The following DPP6 variants were observed in gnomAD, a reference collection of about 807,000 sequenced individuals.
The protein encoded by DPP6 is dipeptidyl peptidase like 6, also known as A-type potassium channel modulatory protein DPP6.
Under a neutral mutation model 122.6 loss-of-function variants are expected in DPP6, and 69 were observed. The ratio of observed to expected loss-of-function variants is 0.56; its 90% confidence interval spans 0.46 to 0.69. The LOEUF (loss-of-function observed/expected upper bound fraction) is 0.69. Ranked by LOEUF, DPP6 falls within the 30% of genes least tolerant of loss-of-function variation. The pLI, the probability that DPP6 is intolerant of heterozygous loss-of-function variation, is 0.00. For synonymous variants in DPP6, 418 were observed against 433.1 expected, an observed-to-expected ratio of 0.97 and a Z score of 0.43; for missense variants, 928 against 1,116.9, an observed-to-expected ratio of 0.83 and a Z score of 2.41.
chr7:153,880,888 C>A, the DPP6 span, among the ~76,000 whole-genome samples: 1 of 152,164 alleles, frequency 6.6e-6, no homozygotes, highest in Admixed American at 6.5e-5. Context: ...TAAATCATTT[C>A]TTTCACTCTT....
intron 17 of DPP6, among the ~76,000 whole-genome samples, chr7:154,854,759 G>T (rs933304545): frequency 4.6e-5 from 7 of 152,182 alleles, no homozygotes; most frequent in Non-Finnish European, 8.8e-5. Context: ...GGGCACATCC[G>T]TGTTTACGCG....
chr7:154,518,904 G>A (rs893026255), intron 3 of DPP6, among the ~76,000 whole-genome samples: 1 of 152,146 alleles, frequency 6.6e-6, no homozygotes, highest in African/African-American at 2.4e-5. Flanking sequence ...AGGTTCCACA[G>A]TTAATAGCTA....
At chr7:154,889,926 TTGCC>T in intron 25 of DPP6, 1 of 206,612 alleles carries the variant, frequency 4.8e-6, no homozygotes, top group African/African-American at 2.3e-5. Flanking sequence ...GCCCTGAGCC[TTGCC>T]CCACTGCTTC....
chr7:154,452,201 A>C (rs2279534), intron 2 of DPP6, among the ~76,000 whole-genome samples: 13,060 of 152,256 alleles, frequency 0.086, 793 homozygotes, highest in East Asian at 0.24. Flanking sequence ...CTTCCCATGA[A>C]GCTTAGAGTC....
At position 154,769,521 on chromosome 7, in the gene DPP6, A is replaced by C. The variant is rs1345765175; in HGVS notation, c.988A>C (p.Thr330Pro). Reference protein sequence around the residue: ...DSRVPIMELPTYTGSIYPTVK... With the variant: ...DSRVPIMELPPYTGSIYPTVK... ...CCGTGTCCCCATCATGGAGCTCCCAACTTACACCGGCTCCATCTACCCCAC... is the reference window on the plus strand; with the variant it reads ...CCGTGTCCCCATCATGGAGCTCCCACCTTACACCGGCTCCATCTACCCCAC... The change falls in exon 9 of 26, where the codon ACT becomes CCT. Residue 330 changes from threonine (T) to proline (P), a missense_variant. Transcript: ENST00000377770. 3 of 1,613,318 alleles carry C rather than the reference A, an allele frequency of 1.9e-6. No homozygotes were observed. The Admixed American group carries it at 5.0e-5, about 27-fold the overall frequency.
At chr7:154,292,945 A>G (rs1040559083) in intron 1 of DPP6, among the ~76,000 whole-genome samples, 1 of 152,214 alleles carries the variant, frequency 6.6e-6, no homozygotes, top group Non-Finnish European at 1.5e-5. Flanking sequence ...AATTAATTTC[A>G]TAATAGAAAT....
At chr7:154,426,824 A>C (rs1034948795) in intron 1 of DPP6, among the ~76,000 whole-genome samples, 3 of 151,446 alleles carry the variant, frequency 2.0e-5, no homozygotes, top group Non-Finnish European at 3.0e-5. Flanking sequence ...AAAAAAAAAA[A>C]AAAAAAACTG....
At chr7:154,257,362 ATTCCCT>A (rs1802723360) in intron 1 of DPP6, among the ~76,000 whole-genome samples, 1 of 152,058 alleles carries the variant, frequency 6.6e-6, no homozygotes, top group Admixed American at 6.5e-5. Flanking sequence ...GGGGATGTGG[ATTCCCT>A]TCGGCCTATG....
At chr7:153,965,942 T>C (rs1394436575) in intron 1 of DPP6, among the ~76,000 whole-genome samples, 3 of 151,554 alleles carry the variant, frequency 2.0e-5, no homozygotes, top group Admixed American at 6.6e-5. Context: ...TGACACAAAC[T>C]TGATGATGAT....
At chr7:154,575,315 GGTGTGTGTATGT>G (rs1831510597) in intron 5 of DPP6, among the ~76,000 whole-genome samples, 1 of 122,582 alleles carries the variant, frequency 8.2e-6, no homozygotes, top group Non-Finnish European at 1.7e-5. Context: ...GTATGTGTGT[GGTGTGTGTATGT>G]GTGTGTGGTG....
chr7:153,830,907 G>A, the DPP6 span, among the ~76,000 whole-genome samples: 2 of 152,260 alleles, frequency 1.3e-5, no homozygotes, highest in African/African-American at 2.4e-5. Context: ...CATTTCCTAA[G>A]CAAGCTGTTC....
At chr7:154,735,725 A>C (rs900147867) in intron 8 of DPP6, among the ~76,000 whole-genome samples, 22 of 152,248 alleles carry the variant, frequency 1.4e-4, no homozygotes, top group African/African-American at 4.8e-4. Context: ...GAGATGGCCT[A>C]AGAGTTCCAT....
At position 154,848,997 on chromosome 7, in the gene DPP6, T is replaced by G. The variant is rs112980158; in HGVS notation, c.1667-4783T>G. Reference sequence around the variant, plus strand: ...GATGAATTGGTTTATTTCTGGGCTCTCTATCCTATTCCATTGGTTGATGTG... The same window carrying G: ...GATGAATTGGTTTATTTCTGGGCTCGCTATCCTATTCCATTGGTTGATGTG... On this transcript the variant is annotated intron_variant, in intron 16 of 25. Coordinates refer to ENST00000377770, the MANE Select transcript of DPP6 (RefSeq NM_130797.4). 9.2e-3 allele frequency among the ~76,000 whole-genome samples: 1,399 copies of G among 152,356 alleles called. 21 individuals are homozygous for G. Among genetic ancestry groups the G allele is most frequent in the African/African-American group, 0.032 (1,318 of 41,576 alleles).
At chr7:154,580,620 G>A (rs1046342389) in intron 5 of DPP6, among the ~76,000 whole-genome samples, 1 of 152,150 alleles carries the variant, frequency 6.6e-6, no homozygotes, top group Admixed American at 6.5e-5. Flanking sequence ...CATTCAACAC[G>A]AGCTGAGGCC....
At chr7:154,573,351 C>T (rs1048847867) in intron 5 of DPP6, among the ~76,000 whole-genome samples, 3 of 152,178 alleles carry the variant, frequency 2.0e-5, no homozygotes, top group Admixed American at 6.5e-5. Flanking sequence ...CCACACCTGC[C>T]GCCCTTTCTG....
At chr7:154,848,339 CTT>C (rs35016203) in intron 16 of DPP6, among the ~76,000 whole-genome samples, 6 of 151,212 alleles carry the variant, frequency 4.0e-5, no homozygotes, top group East Asian at 1.9e-4. Context: ...CACTTGTTAG[CTT>C]TTTTTTCTTT....
At chr7:154,490,945 ATGACTATAC>A (rs1824225223) in intron 3 of DPP6, among the ~76,000 whole-genome samples, 1 of 152,220 alleles carries the variant, frequency 6.6e-6, no homozygotes, top group Admixed American at 6.5e-5. Flanking sequence ...AGACTCCTGT[ATGACTATAC>A]TGTAGGTGTC....
chr7:154,506,700 T>C (rs889781209), intron 3 of DPP6, among the ~76,000 whole-genome samples: 1 of 152,200 alleles, frequency 6.6e-6, no homozygotes, highest in African/African-American at 2.4e-5. Flanking sequence ...TGACCCATAT[T>C]ATCTGAAAGA....
the DPP6 span, among the ~76,000 whole-genome samples, chr7:153,822,815 A>C: frequency 6.6e-6 from 1 of 152,234 alleles, no homozygotes; most frequent in Admixed American, 6.5e-5. Flanking sequence ...AATAAAATAT[A>C]AATTATAGTG....
Sources: gnomAD v4.1 joint callset for allele counts (sites outside exome capture counted in the v4.1 genomes callset) on GRCh38, gnomAD v4.1.1 for gene constraint, MANE v1.5 for transcripts, NCBI Gene and HGNC (gene_info 2026-07-23, HGNC 2026-07-21) for gene names.